The following WWOX variants were observed in gnomAD, a reference collection of about 807,000 sequenced individuals.
WWOX encodes the protein WW domain containing oxidoreductase.
In WWOX, 69 loss-of-function variants were observed where a neutral mutation model predicts 46.2. That is an observed-to-expected ratio of 1.49 (90% confidence interval 1.23 to 1.82). The LOEUF is 1.82. Among genes scored for constraint, WWOX ranks in the 40% most tolerant of loss-of-function variants. WWOX has a pLI of 0.00. For missense variants in WWOX, 919 were observed against 542.6 expected, an observed-to-expected ratio of 1.69 and a Z score of -6.89; for synonymous variants, 359 against 202.6, an observed-to-expected ratio of 1.77 and a Z score of -6.56.
At chr16:79,133,313 A>G (rs548152169) in intron 8 of WWOX, among the ~76,000 whole-genome samples, 2 of 152,160 alleles carry the variant, frequency 1.3e-5, no homozygotes, top group South Asian at 2.1e-4. Flanking sequence ...CCACTTAACA[A>G]TTTTCCACCT....
intron 8 of WWOX, among the ~76,000 whole-genome samples, chr16:78,710,560 G>T (rs926164149): frequency 9.0e-5 from 12 of 134,028 alleles, no homozygotes; most frequent in Non-Finnish European, 4.7e-5. Context: ...ATATATTTAT[G>T]CAAGTATATA....
At chr16:78,410,068 C>G (rs2082641987) in intron 6 of WWOX, among the ~76,000 whole-genome samples, 1 of 152,124 alleles carries the variant, frequency 6.6e-6, no homozygotes, top group Admixed American at 6.5e-5. Flanking sequence ...TTACGGCCAT[C>G]CCTTTGGTGA....
intron 8 of WWOX, among the ~76,000 whole-genome samples, chr16:78,770,530 C>A (rs1321154224): frequency 6.6e-6 from 1 of 152,170 alleles, no homozygotes; most frequent in Admixed American, 6.5e-5. Context: ...CACTGAAGCC[C>A]CCATAAAGGT....
chr16:78,332,176 C>T (rs1214181882), intron 5 of WWOX, among the ~76,000 whole-genome samples: 1 of 152,120 alleles, frequency 6.6e-6, no homozygotes, highest in Non-Finnish European at 1.5e-5. Flanking sequence ...CTTTCCCCAC[C>T]CCAAGCCTTT....
At chr16:78,335,676 A>G (rs1466610640) in intron 5 of WWOX, among the ~76,000 whole-genome samples, 1 of 152,198 alleles carries the variant, frequency 6.6e-6, no homozygotes, top group African/African-American at 2.4e-5. Context: ...TTTTCACAGT[A>G]GAAAAGACAT....
At chr16:78,795,586 A>G (rs897651490) in intron 8 of WWOX, among the ~76,000 whole-genome samples, 2 of 152,238 alleles carry the variant, frequency 1.3e-5, no homozygotes, top group African/African-American at 4.8e-5. Context: ...GATTTCTGGG[A>G]CAGTGCTTTC....
intron 8 of WWOX, among the ~76,000 whole-genome samples, chr16:78,970,900 T>C (rs11860206): frequency 0.58 from 87,735 of 151,758 alleles, 25,702 homozygotes; most frequent in Non-Finnish European, 0.63. Flanking sequence ...ATGATTTGTT[T>C]GCTTCTGTCT....
chr16:78,322,246 T>C (rs1465995430), intron 5 of WWOX, among the ~76,000 whole-genome samples: 1 of 152,160 alleles, frequency 6.6e-6, no homozygotes, highest in East Asian at 1.9e-4. Flanking sequence ...ATATAGTTTC[T>C]TCTGTTGTTT....
At chr16:79,185,225 G>C (rs1476166791) in intron 8 of WWOX, among the ~76,000 whole-genome samples, 1 of 152,098 alleles carries the variant, frequency 6.6e-6, no homozygotes, top group Non-Finnish European at 1.5e-5. Flanking sequence ...GTCCCAAATA[G>C]CATCATTTCC....
At chr16:78,176,390 C>T (rs1027969569) in intron 5 of WWOX, among the ~76,000 whole-genome samples, 1 of 152,218 alleles carries the variant, frequency 6.6e-6, no homozygotes, top group Non-Finnish European at 1.5e-5. Context: ...GAGCCAAGAC[C>T]TGCCTTGCCT....
intron 8 of WWOX, chr16:79,077,256 C>T (rs918174098): frequency 6.6e-6 from 1 of 151,916 alleles, no homozygotes; most frequent in African/African-American, 2.4e-5. Flanking sequence ...TAAAATGTGC[C>T]AAAGTAATAA....
intron 8 of WWOX, among the ~76,000 whole-genome samples, chr16:78,953,467 C>G (rs900046116): frequency 1.3e-5 from 2 of 151,924 alleles, no homozygotes; most frequent in African/African-American, 4.8e-5. Flanking sequence ...CTGCCCCACT[C>G]TATGTATGCA....
intron 8 of WWOX, among the ~76,000 whole-genome samples, chr16:78,556,373 T>C (rs1207105408): frequency 6.6e-6 from 1 of 152,112 alleles, no homozygotes; most frequent in Non-Finnish European, 1.5e-5. Flanking sequence ...AAAGGGAATT[T>C]TATCACCAAC....
intron 8 of WWOX, among the ~76,000 whole-genome samples, chr16:78,994,122 G>C (rs529286547): frequency 5.3e-5 from 8 of 152,246 alleles, no homozygotes; most frequent in African/African-American, 1.9e-4. Context: ...TGTCAACATT[G>C]GATAAACCAT....
At chr16:78,372,822 G>T (rs773441224) in intron 5 of WWOX, among the ~76,000 whole-genome samples, 1 of 152,138 alleles carries the variant, frequency 6.6e-6, no homozygotes, top group African/African-American at 2.4e-5. Context: ...TGAATCTCAA[G>T]TTGCTTTATT....
At chr16:78,783,517 A>G (rs2050380227) in intron 8 of WWOX, among the ~76,000 whole-genome samples, 1 of 152,212 alleles carries the variant, frequency 6.6e-6, no homozygotes, top group Admixed American at 6.5e-5. Flanking sequence ...CCTCTGAATG[A>G]GAGCTGGGAG....
intron 8 of WWOX, among the ~76,000 whole-genome samples, chr16:78,730,329 C>G (rs567648315): frequency 2.0e-5 from 3 of 152,106 alleles, no homozygotes; most frequent in African/African-American, 7.2e-5. Context: ...CCTTCCTTTT[C>G]TTCCCATTTC....
At position 78,793,234 on chromosome 16, in the gene WWOX, A is replaced by T. The variant is rs1031755980; in HGVS notation, c.1056+360482A>T. On this transcript the variant is annotated intron_variant, in intron 8 of 8. Coordinates refer to ENST00000566780, the MANE Select transcript of WWOX (RefSeq NM_016373.4). ...ACCACAATGCCCAGCTAATTTTTATATTTTTTTGTAGAGACGGTGTTTTGC... is the reference window on the plus strand; with the variant it reads ...ACCACAATGCCCAGCTAATTTTTATTTTTTTTTGTAGAGACGGTGTTTTGC... Among the ~76,000 whole-genome samples, 8 of 151,912 alleles carry T rather than the reference A, an allele frequency of 5.3e-5. No homozygotes were observed. In the South Asian group the frequency reaches 1.2e-3, roughly 24 times the overall value.
At chr16:79,016,651 G>C (rs1331033998) in intron 8 of WWOX, 2 of 144,024 alleles carry the variant, frequency 1.4e-5, no homozygotes, top group African/African-American at 5.1e-5. Context: ...TCAAACTCCT[G>C]ACATCAGGTG....
Sources: gnomAD v4.1 joint callset for allele counts (sites outside exome capture counted in the v4.1 genomes callset) on GRCh38, gnomAD v4.1.1 for gene constraint, MANE v1.5 for transcripts, NCBI Gene and HGNC (gene_info 2026-07-23, HGNC 2026-07-21) for gene names.